The following TIAM2 variants were observed in gnomAD, a reference collection of about 807,000 sequenced individuals.
TIAM2 encodes the protein TIAM Rac1 associated GEF 2.
In TIAM2, 80 loss-of-function variants were observed where a neutral mutation model predicts 152.9. The ratio of observed to expected loss-of-function variants is 0.52; its 90% confidence interval spans 0.44 to 0.63. TIAM2 has a LOEUF of 0.63. Among genes scored for constraint, TIAM2 ranks in the 30% least tolerant of loss-of-function variants. TIAM2 has a pLI of 0.00. For missense variants in TIAM2, 1,965 were observed against 2,120.1 expected (o/e 0.93, Z 1.44); for synonymous variants, 804 against 838.0 (o/e 0.96, Z 0.70).
intron 1 of TIAM2, among the ~76,000 whole-genome samples, chr6:155,018,023 A>G (rs1439408993): frequency 6.6e-6 from 1 of 152,106 alleles, no homozygotes; most frequent in East Asian, 1.9e-4. Context: ...ATATCCCAAT[A>G]CGATTTTTAT....
chr6:155,012,647 T>C (rs1017542864), intron 1 of TIAM2, among the ~76,000 whole-genome samples: 1 of 151,988 alleles, frequency 6.6e-6, no homozygotes, highest in South Asian at 2.1e-4. Context: ...ACCTTCCGGG[T>C]TCAAGCGATT....
chr6:155,025,304 C>T (rs1776578750), intron 1 of TIAM2, among the ~76,000 whole-genome samples: 1 of 151,934 alleles, frequency 6.6e-6, no homozygotes, highest in African/African-American at 2.4e-5. Context: ...CGCCATTCTC[C>T]TGCCTCAGCC....
intron 1 of TIAM2, among the ~76,000 whole-genome samples, chr6:155,017,087 A>G (rs1382396233): frequency 6.6e-6 from 1 of 152,160 alleles, no homozygotes; most frequent in African/African-American, 2.4e-5. Context: ...GGGCTGTGGG[A>G]AAGTTCGAGA....
chr6:155,004,113 T>A (rs61345413), intron 1 of TIAM2, among the ~76,000 whole-genome samples: 135 of 152,346 alleles, frequency 8.9e-4, no homozygotes, highest in African/African-American at 3.2e-3. Context: ...TGACCTCAGG[T>A]GATCTGCCTG....
At chr6:155,196,366 T>G (rs546867512) in intron 14 of TIAM2, among the ~76,000 whole-genome samples, 3 of 152,154 alleles carry the variant, frequency 2.0e-5, no homozygotes, top group Non-Finnish European at 4.4e-5. Context: ...TTCACCTGCT[T>G]CCAAAACCGT....
At chr6:155,164,865 C>T (rs1780378781) in intron 8 of TIAM2, among the ~76,000 whole-genome samples, 1 of 152,114 alleles carries the variant, frequency 6.6e-6, no homozygotes, top group Admixed American at 6.6e-5. Context: ...CTGTGTATTC[C>T]ACCATCAGGA....
intron 15 of TIAM2, among the ~76,000 whole-genome samples, chr6:155,221,138 A>C (rs1054849063): frequency 0.13 from 18,262 of 144,428 alleles, 1,025 homozygotes; most frequent in East Asian, 0.31. Flanking sequence ...AAAAAAAAAA[A>C]ACAAAAAAAA....
intron 1 of TIAM2, among the ~76,000 whole-genome samples, chr6:155,050,106 AT>A (rs1777285089): frequency 6.6e-6 from 1 of 152,170 alleles, no homozygotes; most frequent in African/African-American, 2.4e-5. Context: ...TCTCAACAAT[AT>A]TTATTTTTGT....
chr6:155,232,997 C>G (rs564336939), intron 15 of TIAM2: 1 of 152,170 alleles, frequency 6.6e-6, no homozygotes, highest in African/African-American at 2.4e-5. Flanking sequence ...CCAAGCAACA[C>G]AAACAGGTGC....
At chr6:155,095,187 G>A (rs1437120205) in intron 2 of TIAM2, among the ~76,000 whole-genome samples, 1 of 152,182 alleles carries the variant, frequency 6.6e-6, no homozygotes, top group African/African-American at 2.4e-5. Context: ...GCCCCAAACA[G>A]ATGGAGCCTG....
chr6:155,086,446 C>T (rs892804733), intron 1 of TIAM2, among the ~76,000 whole-genome samples: 5 of 152,182 alleles, frequency 3.3e-5, no homozygotes, highest in Non-Finnish European at 1.5e-5. Flanking sequence ...GCGACTTACA[C>T]CTGTAATCCC....
chr6:155,106,045 C>T (rs1778680486), intron 2 of TIAM2, among the ~76,000 whole-genome samples: 1 of 141,018 alleles, frequency 7.1e-6, no homozygotes, highest in Non-Finnish European at 1.6e-5. Context: ...CTCTATGTAT[C>T]CCAGGCTGGA....
At chr6:155,141,084 T>A (rs904505121) in intron 5 of TIAM2, among the ~76,000 whole-genome samples, 2 of 152,210 alleles carry the variant, frequency 1.3e-5, no homozygotes, top group Admixed American at 6.5e-5. Context: ...TGAGCATTGC[T>A]AGATTTGTAG....
chr6:155,019,619 T>C (rs1195992485), intron 1 of TIAM2, among the ~76,000 whole-genome samples: 1 of 152,220 alleles, frequency 6.6e-6, no homozygotes. Context: ...TGTTGTAGAA[T>C]GGAAGGAACA....
Position 155,016,952 on chromosome 6 carries a change from G to A in TIAM2, c.-209+21460G>A, listed in dbSNP as rs113571940. Among the ~76,000 whole-genome samples, 8 of 152,246 alleles carry A rather than the reference G, an allele frequency of 5.3e-5. 1 individual carries two copies. Among genetic ancestry groups the A allele is most frequent in the African/African-American group, 1.9e-4 (8 of 41,556 alleles). On this transcript the variant is annotated intron_variant, in intron 1 of 26. Transcript: ENST00000682666. ...ATAAATAAAATAACTTGGGAGGCAGGGATATCACCTGAGCATGAAGGGGCC... is the reference window on the plus strand; with the variant it reads ...ATAAATAAAATAACTTGGGAGGCAGAGATATCACCTGAGCATGAAGGGGCC...
intron 15 of TIAM2, chr6:155,232,761 C>G (rs147580571): frequency 6.6e-6 from 1 of 152,160 alleles, no homozygotes; most frequent in Non-Finnish European, 1.5e-5. Flanking sequence ...TGCAAAGTGA[C>G]GGGACCAGCT....
intron 2 of TIAM2, among the ~76,000 whole-genome samples, chr6:155,095,792 G>T (rs770585838): frequency 1.3e-5 from 2 of 152,172 alleles, no homozygotes; most frequent in Non-Finnish European, 2.9e-5. Context: ...AATATTATGA[G>T]TTGACTGAGA....
At chr6:155,118,861 GC>G (rs66944833) in intron 2 of TIAM2, among the ~76,000 whole-genome samples, 8 of 59,182 alleles carry the variant, frequency 1.4e-4, no homozygotes, top group East Asian at 1.6e-3. Context: ...GAATGTGTGT[GC>G]TTTTTTTTTT....
At position 155,144,632 on chromosome 6, in the gene TIAM2, T is replaced by A. The variant is rs750283801; in HGVS notation, c.1657T>A (p.Tyr553Asn). 6.4e-7 allele frequency: 1 copy of A among 1,560,898 alleles called. No individual in the cohort carries two copies. The highest frequency in any genetic ancestry group is 1.2e-5 in the South Asian group (1 of 80,456). The change falls in exon 6 of 27, where the codon TAT becomes AAT. Residue 553 changes from tyrosine to asparagine, a missense_variant. By Grantham distance (143) the Tyr-to-Asn change is moderately radical (BLOSUM62 -2). Transcript: ENST00000682666. ...ATGCACGCTGCTGTTTTATGAGACC[T>A]ATGGGAAGAATTCCATGGATCAGAG... ...KGCTLLFYET[Y>N]GKNSMDQSSA...
Sources: gnomAD v4.1 joint callset for allele counts (sites outside exome capture counted in the v4.1 genomes callset) on GRCh38, gnomAD v4.1.1 for gene constraint, MANE v1.5 for transcripts, NCBI Gene and HGNC (gene_info 2026-07-23, HGNC 2026-07-21) for gene names.